Variants in PPFIA2 observed in about 807,000 individuals in gnomAD.
The protein encoded by PPFIA2 is liprin-alpha-2.
In PPFIA2, 46 loss-of-function variants were observed where a neutral mutation model predicts 175.5. The ratio of observed to expected loss-of-function variants is 0.26; its 90% CI spans 0.21 to 0.34. The LOEUF (loss-of-function observed/expected upper bound fraction) is 0.34, where lower values mean the gene tolerates loss of function less well. PPFIA2 is among the 10% of genes least tolerant of loss of function. The probability of loss-of-function intolerance (pLI) is 1.00; values close to 1 mark genes in which losing one functional copy is unlikely to be tolerated. For synonymous variants in PPFIA2, 568 were observed against 511.4 expected, an observed-to-expected ratio of 1.11 and a Z score of -1.49; for missense variants, 1,179 against 1,506.1, an observed-to-expected ratio of 0.78 and a Z score of 3.60.
chr12:81,667,798 C>T (rs1360243631), intron 4 of PPFIA2, among the ~76,000 whole-genome samples: 1 of 151,920 alleles, frequency 6.6e-6, no homozygotes, highest in African/African-American at 2.4e-5. Flanking sequence ...CAGCCCACCA[C>T]CAAAATTTAA....
At chr12:81,676,930 C>T (rs1443569628) in intron 3 of PPFIA2, 86 bp from the exon 4 acceptor site, 2 of 985,928 alleles carry the variant, frequency 2.0e-6, no homozygotes, top group Admixed American at 3.4e-5. Flanking sequence ...ATTTATTTAG[C>T]TGCAAAGTTA....
intron 4 of PPFIA2, among the ~76,000 whole-genome samples, chr12:81,554,743 T>A (rs2068544342): frequency 6.6e-6 from 1 of 152,098 alleles, no homozygotes; most frequent in Non-Finnish European, 1.5e-5. Flanking sequence ...TAATTCTTGA[T>A]CTTAGATCAG....
At chr12:81,654,216 A>G (rs2067440480) in intron 4 of PPFIA2, among the ~76,000 whole-genome samples, 1 of 152,032 alleles carries the variant, frequency 6.6e-6, no homozygotes, top group South Asian at 2.1e-4. Flanking sequence ...AAGAAAAGAT[A>G]CAGAGTGATA....
chr12:81,512,150 T>C (rs2061868090), intron 4 of PPFIA2: 2 of 335,604 alleles, frequency 6.0e-6, no homozygotes, highest in Non-Finnish European at 1.1e-5. Context: ...TGTCCGTCAA[T>C]GTCAGCATGT....
intron 7 of PPFIA2, among the ~76,000 whole-genome samples, chr12:81,418,349 C>T (rs2045674538): frequency 6.6e-6 from 1 of 151,930 alleles, no homozygotes; most frequent in African/African-American, 2.4e-5. Context: ...TTTCTAACTA[C>T]TCAAAGCTAT....
At chr12:81,629,654 C>T (rs1203639725) in intron 4 of PPFIA2, among the ~76,000 whole-genome samples, 1 of 152,132 alleles carries the variant, frequency 6.6e-6, no homozygotes, top group Non-Finnish European at 1.5e-5. Flanking sequence ...AAACATTAAC[C>T]TTTCATTCCA....
Position 81,394,480 on chromosome 12 carries a change from G to C in PPFIA2, c.763-10236C>G, listed in dbSNP as rs187690077. On this transcript the variant is annotated intron_variant, in intron 8 of 32. Coordinates refer to ENST00000549396, the MANE Select transcript of PPFIA2 (RefSeq NM_003625.5). Reference sequence around the variant, plus strand: ...ATCATGCATACAAAAAAAAAATCAAGTTGTTTATCCCTAGGAAAAGAAAAA... The same window carrying C: ...ATCATGCATACAAAAAAAAAATCAACTTGTTTATCCCTAGGAAAAGAAAAA... Among the ~76,000 whole-genome samples, 235 of 151,720 alleles carry C rather than the reference G, an allele frequency of 1.5e-3. 1 individual carries two copies. The highest frequency in any genetic ancestry group is 0.01 in the Middle Eastern group (3 of 294).
At chr12:81,596,731 A>G (rs565452739) in intron 4 of PPFIA2, among the ~76,000 whole-genome samples, 2 of 152,128 alleles carry the variant, frequency 1.3e-5, no homozygotes, top group South Asian at 4.2e-4. Context: ...TACAGAGGAG[A>G]AAAAAAAGTA....
chr12:81,399,600 A>T (rs1000454003), intron 8 of PPFIA2, among the ~76,000 whole-genome samples: 1 of 152,130 alleles, frequency 6.6e-6, no homozygotes, highest in Non-Finnish European at 1.5e-5. Flanking sequence ...TATATGGATA[A>T]GCCATGGAAG....
At chr12:81,436,755 T>G (rs2049132861) in intron 7 of PPFIA2, among the ~76,000 whole-genome samples, 1 of 152,208 alleles carries the variant, frequency 6.6e-6, no homozygotes, top group Non-Finnish European at 1.5e-5. Context: ...AATTACTCTC[T>G]TAAAAGAATC....
intron 4 of PPFIA2, among the ~76,000 whole-genome samples, chr12:81,549,843 C>T (rs1046982508): frequency 2.0e-5 from 3 of 151,912 alleles, no homozygotes; most frequent in African/African-American, 7.2e-5. Context: ...GGTCTCTATT[C>T]TCTCTCCACA....
At chr12:81,366,731 C>T (rs1204204785) in intron 14 of PPFIA2, among the ~76,000 whole-genome samples, 1 of 151,668 alleles carries the variant, frequency 6.6e-6, no homozygotes, top group Non-Finnish European at 1.5e-5. Context: ...TGTATTTCTG[C>T]TGAAAGAATA....
intron 19 of PPFIA2, among the ~76,000 whole-genome samples, chr12:81,344,388 T>C (rs1003371630): frequency 7.3e-5 from 11 of 150,034 alleles, no homozygotes; most frequent in South Asian, 2.1e-4. Flanking sequence ...TAAATACTTA[T>C]ATTAAAATAT....
At chr12:81,680,804 T>C (rs901557010) in intron 3 of PPFIA2, among the ~76,000 whole-genome samples, 1 of 151,964 alleles carries the variant, frequency 6.6e-6, no homozygotes, top group African/African-American at 2.4e-5. Context: ...CAGTTCAGTG[T>C]TGTCCAGTGG....
intron 30 of PPFIA2, among the ~76,000 whole-genome samples, chr12:81,265,291 CAAAAAAAAA>C (rs571821814): frequency 1.4e-4 from 10 of 70,002 alleles, no homozygotes; most frequent in East Asian, 1.1e-3. Context: ...GAAACTCTGT[CAAAAAAAAA>C]AAAAAAAAAA....
chr12:81,734,499 A>T (rs2081322955), intron 3 of PPFIA2, among the ~76,000 whole-genome samples: 1 of 151,752 alleles, frequency 6.6e-6, no homozygotes. Flanking sequence ...TATTTTCCAG[A>T]TTAGCATTTT....
intron 7 of PPFIA2, among the ~76,000 whole-genome samples, chr12:81,409,272 GGAT>G (rs756704277): frequency 6.6e-6 from 1 of 152,124 alleles, no homozygotes; most frequent in Non-Finnish European, 1.5e-5. Context: ...ACGTAGGTCT[GGAT>G]GCCTCACCAC....
At chr12:81,650,706 C>T (rs966560614) in intron 4 of PPFIA2, among the ~76,000 whole-genome samples, 12 of 152,138 alleles carry the variant, frequency 7.9e-5, no homozygotes, top group Non-Finnish European at 1.3e-4. Context: ...ATTTTTTCCT[C>T]TTTAATTCCA....
intron 8 of PPFIA2, among the ~76,000 whole-genome samples, chr12:81,397,496 G>T (rs924527279): frequency 9.2e-5 from 14 of 152,076 alleles, no homozygotes; most frequent in Non-Finnish European, 1.8e-4. Context: ...ATCAACTATA[G>T]CAAGGCCTGA....
Sources: allele counts gnomAD v4.1 joint callset (sites outside exome capture counted in the v4.1 genomes callset), GRCh38; gene constraint gnomAD v4.1.1; transcripts MANE v1.5; gene names NCBI Gene and HGNC (gene_info 2026-07-23, HGNC 2026-07-21).